Variants in CNTNAP2 observed in about 807,000 individuals in gnomAD.
The protein encoded by CNTNAP2 is contactin associated protein 2, also known as contactin-associated protein-like 2.
A neutral mutation model predicts 155.2 loss-of-function variants in CNTNAP2; 98 were observed. The observed-to-expected ratio is 0.63, with a 90% CI of 0.54 to 0.75. The LOEUF (loss-of-function observed/expected upper bound fraction) is 0.75. Ranked by LOEUF, CNTNAP2 falls within the 30% of genes least tolerant of loss-of-function variation. The probability of loss-of-function intolerance (pLI) is 0.00; values close to 1 mark genes in which losing one functional copy is unlikely to be tolerated. For missense variants in CNTNAP2, 1,727 were observed against 1,688.1 expected, an observed-to-expected ratio of 1.02 and a Z score of -0.40; for synonymous variants, 651 against 631.2, an observed-to-expected ratio of 1.03 and a Z score of -0.47.
At chr7:147,737,725 C>T (rs994786773) in intron 13 of CNTNAP2, among the ~76,000 whole-genome samples, 1 of 152,202 alleles carries the variant, frequency 6.6e-6, no homozygotes, top group Non-Finnish European at 1.5e-5. Flanking sequence ...TGGCGGGCAC[C>T]CCTCCCCCAG....
rs150180449 is a variant in CNTNAP2 at position 146,496,106 on chromosome 7, C to T, written c.98-278165C>T. ...GGGACCTCACCACAGCTCTTCCCTGCCCTGATATGTGTCTCCAAGTGTATT... is the reference window on the plus strand; with the variant it reads ...GGGACCTCACCACAGCTCTTCCCTGTCCTGATATGTGTCTCCAAGTGTATT... On this transcript the variant is annotated intron_variant, in intron 1 of 23. Coordinates refer to ENST00000361727, the MANE Select transcript of CNTNAP2 (RefSeq NM_014141.6). 4.0e-3 allele frequency among the ~76,000 whole-genome samples: 608 copies of T among 152,216 alleles called. 4 individuals are homozygous for T. In the Middle Eastern group the frequency reaches 0.061, roughly 15 times the overall value.
intron 10 of CNTNAP2, among the ~76,000 whole-genome samples, chr7:147,443,945 T>C (rs77475191): frequency 6.6e-6 from 1 of 152,348 alleles, no homozygotes; most frequent in Non-Finnish European, 1.5e-5. Flanking sequence ...TGCTACTGAT[T>C]CCTGAGTTTG....
At chr7:147,649,871 A>T (rs975059349) in intron 13 of CNTNAP2, among the ~76,000 whole-genome samples, 7 of 121,298 alleles carry the variant, frequency 5.8e-5, no homozygotes, top group South Asian at 2.5e-4. Flanking sequence ...TTGGATAGAT[A>T]AAAAAAAATG....
chr7:147,687,722 G>A (rs1311182926), intron 13 of CNTNAP2, among the ~76,000 whole-genome samples: 1 of 152,054 alleles, frequency 6.6e-6, no homozygotes, highest in African/African-American at 2.4e-5. Context: ...TAAATGTAAT[G>A]ACCAATTATG....
At chr7:147,472,444 T>C (rs10952687) in intron 10 of CNTNAP2, among the ~76,000 whole-genome samples, 118,425 of 151,870 alleles carry the variant, frequency 0.78, 46,530 homozygotes, top group African/African-American at 0.87. Context: ...AACTCCTGAC[T>C]TCAAGTGATT....
intron 10 of CNTNAP2, among the ~76,000 whole-genome samples, chr7:147,472,845 T>C (rs1401272658): frequency 1.3e-5 from 2 of 152,168 alleles, no homozygotes; most frequent in African/African-American, 2.4e-5. Flanking sequence ...TCCAAAGATA[T>C]GTTTGATCAT....
intron 22 of CNTNAP2, among the ~76,000 whole-genome samples, chr7:148,387,862 C>T (rs1198925699): frequency 6.6e-6 from 1 of 151,824 alleles, no homozygotes; most frequent in East Asian, 1.9e-4. Context: ...AAGCTGAGAC[C>T]TACTGAAAAC....
chr7:147,190,063 A>G (rs1337003250), intron 8 of CNTNAP2, among the ~76,000 whole-genome samples: 1 of 152,032 alleles, frequency 6.6e-6, no homozygotes, highest in Non-Finnish European at 1.5e-5. Context: ...CTTTTTGAAG[A>G]TATCTTTACC....
intron 21 of CNTNAP2, among the ~76,000 whole-genome samples, chr7:148,299,148 G>A (rs1477307613): frequency 1.3e-5 from 2 of 151,874 alleles, no homozygotes; most frequent in African/African-American, 2.4e-5. Context: ...CCACGACCAC[G>A]CCTGGCTAAT....
rs966687126 is a variant in CNTNAP2, at chr7:147,871,590, G to A, written c.2099-31975G>A. ...ACAGCCATTACAACCGGCTTGGCAC[G>A]TCCACAGGGGCTGCTGCCCACTGAA... On this transcript the variant is annotated intron_variant, in intron 13 of 23. Coordinates refer to ENST00000361727, the MANE Select transcript of CNTNAP2 (RefSeq NM_014141.6). Among the ~76,000 whole-genome samples the A allele has an allele frequency of 1.4e-4, 21 of 151,508 alleles. No homozygotes were observed. The South Asian group carries it at 1.5e-3, about 11-fold the overall frequency.
At chr7:147,361,549 A>C (rs541307944) in intron 9 of CNTNAP2, among the ~76,000 whole-genome samples, 31 of 152,302 alleles carry the variant, frequency 2.0e-4, no homozygotes, top group Admixed American at 5.2e-4. Context: ...GATTAATTTT[A>C]TTATTTAGTG....
intron 2 of CNTNAP2, among the ~76,000 whole-genome samples, chr7:146,784,938 C>T (rs1342289420): frequency 4.6e-5 from 7 of 151,338 alleles, no homozygotes; most frequent in East Asian, 1.9e-4. Context: ...AATGTGTTTA[C>T]GAGAATAATC....
At chr7:147,969,482 C>A (rs1199652604) in intron 14 of CNTNAP2, among the ~76,000 whole-genome samples, 1 of 152,128 alleles carries the variant, frequency 6.6e-6, no homozygotes, top group African/African-American at 2.4e-5. Context: ...GTTGTTGGGA[C>A]CTACTGCAGG....
chr7:148,318,538 C>A (rs1797731712), intron 21 of CNTNAP2, among the ~76,000 whole-genome samples: 1 of 152,146 alleles, frequency 6.6e-6, no homozygotes, highest in South Asian at 2.1e-4. Flanking sequence ...CCAAAAACTT[C>A]CTAAACTGGT....
chr7:146,793,165 A>G (rs1355308422), intron 2 of CNTNAP2, among the ~76,000 whole-genome samples: 1 of 152,236 alleles, frequency 6.6e-6, no homozygotes, highest in African/African-American at 2.4e-5. Flanking sequence ...TTCAGAAACT[A>G]AATTTCCATC....
intron 1 of CNTNAP2, among the ~76,000 whole-genome samples, chr7:146,197,026 G>C (rs1421334805): frequency 1.3e-5 from 2 of 151,880 alleles, no homozygotes; most frequent in Non-Finnish European, 2.9e-5. Flanking sequence ...TAACCTCTCT[G>C]TTTTGAAGAT....
intron 9 of CNTNAP2, among the ~76,000 whole-genome samples, chr7:147,326,700 A>T (rs1301062346): frequency 6.6e-6 from 1 of 152,148 alleles, no homozygotes; most frequent in East Asian, 1.9e-4. Flanking sequence ...TGTTATTTTC[A>T]AGGTTTTACT....
At chr7:147,383,142 C>T (rs1324826090) in intron 9 of CNTNAP2, among the ~76,000 whole-genome samples, 1 of 151,958 alleles carries the variant, frequency 6.6e-6, no homozygotes, top group African/African-American at 2.4e-5. Context: ...GTCTTGGTGT[C>T]AGTTCTCTTA....
At chr7:147,120,839 A>G (rs570113974) in intron 5 of CNTNAP2, 140 bp from the exon 6 acceptor site, 261 of 768,084 alleles carry the variant, frequency 3.4e-4, no homozygotes, top group Non-Finnish European at 4.4e-4. Context: ...GTCGTTACTT[A>G]CTGGTATCCC....
Sources: gnomAD v4.1 joint callset for allele counts (sites outside exome capture counted in the v4.1 genomes callset) on GRCh38, gnomAD v4.1.1 for gene constraint, MANE v1.5 for transcripts, NCBI Gene and HGNC (gene_info 2026-07-23, HGNC 2026-07-21) for gene names.